Variants in ARHGAP15 observed in about 807,000 individuals in gnomAD.
ARHGAP15 encodes the protein rho GTPase-activating protein 15.
In ARHGAP15, 51 loss-of-function variants were observed where a neutral mutation model predicts 63.7. The observed-to-expected ratio is 0.80, with a 90% CI of 0.64 to 1.01. The LOEUF is 1.01. ARHGAP15 is among the 50% of genes least tolerant of loss of function. The pLI, the probability that ARHGAP15 is intolerant of heterozygous loss-of-function variation, is 0.00. For missense variants in ARHGAP15, 560 were observed against 564.6 expected (o/e 0.99, Z 0.08); for synonymous variants, 191 against 193.8 (o/e 0.99, Z 0.12).
chr2:143,232,677 C>T (rs1244408388), intron 5 of ARHGAP15, among the ~76,000 whole-genome samples: 2 of 152,152 alleles, frequency 1.3e-5, no homozygotes, highest in African/African-American at 2.4e-5. Flanking sequence ...GTCCCTTTGT[C>T]ATCATAGCCT....
intron 6 of ARHGAP15, among the ~76,000 whole-genome samples, chr2:143,255,731 T>C (rs1558845963): frequency 6.6e-6 from 1 of 152,170 alleles, no homozygotes; most frequent in Non-Finnish European, 1.5e-5. Flanking sequence ...TTTTCTTTCA[T>C]TTTTCAGTGC....
At chr2:143,305,708 T>A (rs1683136930) in intron 6 of ARHGAP15, among the ~76,000 whole-genome samples, 1 of 152,014 alleles carries the variant, frequency 6.6e-6, no homozygotes, top group South Asian at 2.1e-4. Flanking sequence ...TGAGATACAA[T>A]CAATCTTCTT....
chr2:143,595,392 G>A (rs1296191491), intron 11 of ARHGAP15, among the ~76,000 whole-genome samples: 1 of 152,008 alleles, frequency 6.6e-6, no homozygotes, highest in Non-Finnish European at 1.5e-5. Flanking sequence ...TCATTCTCAT[G>A]TTCCAAAAAT....
intron 11 of ARHGAP15, among the ~76,000 whole-genome samples, chr2:143,604,219 T>C (rs1463119650): frequency 2.0e-5 from 3 of 152,222 alleles, no homozygotes; most frequent in Non-Finnish European, 4.4e-5. Flanking sequence ...TCTCTTGTTT[T>C]GGGTTCCTTT....
At chr2:143,528,687 T>A (rs1259046566) in intron 10 of ARHGAP15, among the ~76,000 whole-genome samples, 1 of 152,136 alleles carries the variant, frequency 6.6e-6, no homozygotes, top group Non-Finnish European at 1.5e-5. Context: ...TTTAAAATGA[T>A]GTTGTTCTTG....
intron 6 of ARHGAP15, among the ~76,000 whole-genome samples, chr2:143,402,487 A>C (rs4662328): frequency 0.81 from 122,114 of 151,030 alleles, 49,548 homozygotes; most frequent in East Asian, 0.94. Context: ...AAAAGAATTA[A>C]CCTGCTTGGG....
intron 11 of ARHGAP15, among the ~76,000 whole-genome samples, chr2:143,610,631 G>T (rs1165311263): frequency 6.6e-6 from 1 of 152,176 alleles, no homozygotes; most frequent in Non-Finnish European, 1.5e-5. Context: ...GTACGGCATT[G>T]TAATTGTTAT....
At chr2:143,419,047 T>A (rs1219399336) in intron 6 of ARHGAP15, among the ~76,000 whole-genome samples, 1 of 152,156 alleles carries the variant, frequency 6.6e-6, no homozygotes, top group Non-Finnish European at 1.5e-5. Context: ...AAAATTTATG[T>A]GGTAATTGTC....
chr2:143,664,836 C>G (rs368235109), intron 12 of ARHGAP15, among the ~76,000 whole-genome samples: 31 of 152,118 alleles, frequency 2.0e-4, no homozygotes, highest in African/African-American at 7.2e-4. Flanking sequence ...ATAAATTCCT[C>G]GACACATACA....
At chr2:143,406,356 T>C (rs1245074197) in intron 6 of ARHGAP15, among the ~76,000 whole-genome samples, 1 of 151,954 alleles carries the variant, frequency 6.6e-6, no homozygotes, top group Non-Finnish European at 1.5e-5. Context: ...TTTTCAGCTA[T>C]ACTATTTGCT....
intron 10 of ARHGAP15, among the ~76,000 whole-genome samples, chr2:143,536,265 C>CT (rs1164017151): frequency 1.2e-4 from 18 of 152,142 alleles, no homozygotes; most frequent in Non-Finnish European, 2.4e-4. Flanking sequence ...TGAGGTCAAC[C>CT]TTTTTGAATT....
intron 12 of ARHGAP15, among the ~76,000 whole-genome samples, chr2:143,692,257 G>A (rs1000830833): frequency 6.6e-6 from 1 of 152,192 alleles, no homozygotes; most frequent in Non-Finnish European, 1.5e-5. Flanking sequence ...AACATAATTT[G>A]GTTGCATCAG....
intron 6 of ARHGAP15, among the ~76,000 whole-genome samples, chr2:143,323,894 C>CA (rs55804357): frequency 0.25 from 6,489 of 26,120 alleles, 2,314 homozygotes; most frequent in Non-Finnish European, 0.28. Context: ...GACTCCGTCT[C>CA]AAAAAAAAAA....
chr2:143,510,010 C>A, intron 9 of ARHGAP15, among the ~76,000 whole-genome samples: 1 of 92,286 alleles, frequency 1.1e-5, no homozygotes, highest in Admixed American at 1.5e-4. Flanking sequence ...CAGAGTAAGA[C>A]TCCCTCTTAA....
At chr2:143,597,414 A>C (rs1211323174) in intron 11 of ARHGAP15, among the ~76,000 whole-genome samples, 1 of 152,098 alleles carries the variant, frequency 6.6e-6, no homozygotes. Context: ...TTTATGAGGA[A>C]ATGTCTTAAC....
chr2:143,488,500 C>T (rs868359781), intron 9 of ARHGAP15, among the ~76,000 whole-genome samples: 7 of 152,070 alleles, frequency 4.6e-5, no homozygotes, highest in African/African-American at 1.7e-4. Flanking sequence ...AATTTTCTAG[C>T]TTATGTGTAC....
At chr2:143,218,432 G>T in intron 4 of ARHGAP15, among the ~76,000 whole-genome samples, 1 of 151,718 alleles carries the variant, frequency 6.6e-6, no homozygotes, top group Middle Eastern at 3.4e-3. Context: ...TCCAATCCTT[G>T]CTTCAATCCC....
chr2:143,724,760 G>A (rs561511363), intron 13 of ARHGAP15, among the ~76,000 whole-genome samples: 26 of 152,160 alleles, frequency 1.7e-4, no homozygotes, highest in African/African-American at 3.1e-4. Flanking sequence ...CACAACTTTC[G>A]GACAAGCATA....
chr2:143,553,912 A>C (rs1695678664), intron 10 of ARHGAP15, among the ~76,000 whole-genome samples: 1 of 152,312 alleles, frequency 6.6e-6, no homozygotes, highest in East Asian at 1.9e-4. Flanking sequence ...CAAGACATGC[A>C]CTTGATTTTA....
Sources: gnomAD v4.1 joint callset for allele counts (sites outside exome capture counted in the v4.1 genomes callset) on GRCh38, gnomAD v4.1.1 for gene constraint, MANE v1.5 for transcripts, NCBI Gene and HGNC (gene_info 2026-07-23, HGNC 2026-07-21) for gene names.